The following UBR1 variants were observed in gnomAD, a reference collection of about 807,000 sequenced individuals.
UBR1 encodes the protein E3 ubiquitin-protein ligase UBR1.
UBR1 carries 102 observed loss-of-function variants against 242.1 expected under a neutral mutation model. The observed-to-expected ratio is 0.42, with a 90% CI of 0.36 to 0.50. UBR1 has a LOEUF of 0.50. UBR1 is among the 20% of genes least tolerant of loss of function. The probability of loss-of-function intolerance (pLI) is 0.01; values close to 1 mark genes in which losing one functional copy is unlikely to be tolerated. For missense variants in UBR1, 1,772 were observed against 2,101.8 expected (o/e 0.84, Z 3.07); for synonymous variants, 675 against 684.8 (o/e 0.99, Z 0.22).
intron 15 of UBR1, among the ~76,000 whole-genome samples, chr15:43,041,036 G>A (rs1044134296): frequency 3.9e-5 from 6 of 152,146 alleles, no homozygotes; most frequent in Admixed American, 2.0e-4. Context: ...ACAGTGTGGC[G>A]ATTCCTCAAG....
chr15:42,961,543 C>A (rs992018819), intron 42 of UBR1, among the ~76,000 whole-genome samples: 1 of 151,730 alleles, frequency 6.6e-6, no homozygotes, highest in Non-Finnish European at 1.5e-5. Context: ...GATGCCTCAG[C>A]TCCCGAGCAG....
Position 43,048,496 on chromosome 15 carries a change from C to T in UBR1, c.1440-5G>A, listed in dbSNP as rs369367454. On this transcript the variant is annotated splice_region_variant and splice_polypyrimidine_tract_variant and intron_variant, in intron 12 of 46. Coordinates refer to ENST00000290650, the MANE Select transcript of UBR1 (RefSeq NM_174916.3). ...GGTTTGCTGATCAGGATATACCTATCGTTTCAAGAAAGAAAGAAATATTTC... is the reference window on the plus strand; with the variant it reads ...GGTTTGCTGATCAGGATATACCTATTGTTTCAAGAAAGAAAGAAATATTTC... 129 of 1,600,514 alleles carry T rather than the reference C, an allele frequency of 8.1e-5. 1 individual carries two copies. In the South Asian group the frequency reaches 9.7e-4, roughly 12 times the overall value.
intron 37 of UBR1, among the ~76,000 whole-genome samples, chr15:42,978,492 G>C (rs919426638): frequency 6.6e-6 from 1 of 152,146 alleles, no homozygotes; most frequent in African/African-American, 2.4e-5. Flanking sequence ...AATCTGGTCC[G>C]TGCCTAAGGA....
chr15:42,951,704 GA>G (rs2141249475), intron 45 of UBR1, among the ~76,000 whole-genome samples: 1 of 152,070 alleles, frequency 6.6e-6, no homozygotes, highest in East Asian at 1.9e-4. Flanking sequence ...TCATGGCCTT[GA>G]ACTCCCAGGC....
chr15:43,017,123 G>T lies in UBR1; in HGVS notation c.2999C>A (p.Ser1000Ter). ...ATCATTCTTAATAGATTCCGATCCTGATGTGGTTGCTACAATTAAACAAGA... is the reference window on the plus strand; with the variant it reads ...ATCATTCTTAATAGATTCCGATCCTTATGTGGTTGCTACAATTAAACAAGA... ...EKSCLIVATT[S>*]GSESIKNDEI... is the part of the protein sequence containing the mutation. The change falls in exon 28 of 47, where the codon TCA becomes TAA. Residue 1000 changes from serine to a stop codon, truncating the protein, a stop_gained. Coordinates refer to ENST00000290650, the MANE Select transcript of UBR1 (RefSeq NM_174916.3). LOFTEE classifies it high-confidence loss of function. 6.2e-7 allele frequency: 1 copy of T among 1,613,732 alleles called. No homozygotes were observed.
intron 14 of UBR1, 146 bp from the exon 15 acceptor site, chr15:43,043,541 A>C: frequency 1.3e-6 from 1 of 749,394 alleles, no homozygotes; most frequent in East Asian, 2.7e-5. Flanking sequence ...TCCTGGGCTC[A>C]GTCACCTGAG....
At chr15:43,004,822 G>A (rs1293887350) in intron 30 of UBR1, among the ~76,000 whole-genome samples, 3 of 151,698 alleles carry the variant, frequency 2.0e-5, no homozygotes, top group East Asian at 3.9e-4. Flanking sequence ...AGTGAGGAGC[G>A]GCTCTGCCTG....
intron 23 of UBR1, chr15:43,026,200 C>T (rs899008152): frequency 8.6e-6 from 2 of 231,492 alleles, no homozygotes; most frequent in South Asian, 5.5e-5. Flanking sequence ...CAACTACGTT[C>T]CAGCCTGGAC....
intron 33 of UBR1, among the ~76,000 whole-genome samples, chr15:42,996,110 G>T (rs12324352): frequency 7.2e-5 from 11 of 152,170 alleles, no homozygotes. Flanking sequence ...AGGTCAAATC[G>T]AATCTCATTT....
At chr15:43,015,556 T>A in intron 29 of UBR1, 132 bp downstream of exon 29, 1 of 1,010,330 alleles carries the variant, frequency 9.9e-7, no homozygotes, top group Non-Finnish European at 1.5e-6. Context: ...TTTGTTCACT[T>A]GTTTATCTGC....
chr15:43,076,791 C>G (rs1048360423), intron 3 of UBR1, among the ~76,000 whole-genome samples: 1 of 139,242 alleles, frequency 7.2e-6, no homozygotes, highest in Non-Finnish European at 1.6e-5. Context: ...GTCAGCCCCC[C>G]GCCCGGCCAG....
At chr15:43,089,141 G>A (rs1027822340) in intron 1 of UBR1, among the ~76,000 whole-genome samples, 34 of 149,778 alleles carry the variant, frequency 2.3e-4, no homozygotes, top group African/African-American at 8.4e-4. Context: ...CAGCCTGAGC[G>A]ACAGAGTGAG....
At chr15:42,948,362 T>C (rs1235546866) in intron 46 of UBR1, among the ~76,000 whole-genome samples, 7 of 152,128 alleles carry the variant, frequency 4.6e-5, no homozygotes, top group African/African-American at 1.4e-4. Flanking sequence ...ATTCAGGACA[T>C]AGGCATGGGC....
chr15:42,970,675 C>T, intron 39 of UBR1, 68 bp from the exon 40 acceptor site: 1 of 1,364,782 alleles, frequency 7.3e-7, no homozygotes, highest in Non-Finnish European at 1.0e-6. Flanking sequence ...ACTTTAATTT[C>T]ATTGTTCCAA....
intron 1 of UBR1, among the ~76,000 whole-genome samples, chr15:43,099,625 AC>A (rs1235269312): frequency 6.6e-6 from 1 of 152,006 alleles, no homozygotes; most frequent in Admixed American, 6.6e-5. Flanking sequence ...AGCTTCTATT[AC>A]CCCCACTTCC....
At chr15:43,072,660 T>C (rs757706307) in intron 4 of UBR1, among the ~76,000 whole-genome samples, 3 of 152,246 alleles carry the variant, frequency 2.0e-5, no homozygotes, top group Non-Finnish European at 4.4e-5. Context: ...TAACTGTGAG[T>C]TTCTCATAGA....
chr15:43,022,751 T>A lies in UBR1; in HGVS notation c.2790A>T (p.Gln930His). 6.2e-7 allele frequency: 1 copy of A among 1,612,458 alleles called. No homozygotes were observed. The highest frequency in any genetic ancestry group is 1.1e-5 in the South Asian group (1 of 90,944). ...LGLLEEKQQLQKAPEEEVTFD... is the reference protein window; with the variant it reads ...LGLLEEKQQLHKAPEEEVTFD... ...ATGTTACTTCTTCTTCAGGAGCTTT[T>A]TGAAGCTGTTGCTTCTCTTCTAGTA... Residue 930 changes from glutamine to histidine, a missense_variant, in exon 26 of 47, where the codon CAA (glutamine) becomes CAT (histidine). Physicochemically the swap from Gln to His is conservative, Grantham distance 24 (BLOSUM62 0). Around this residue, in one of 3 missense-constraint regions of UBR1, gnomAD observed 965 missense variants for 1,079.7 expected, o/e 0.89. Transcript: ENST00000290650.
chr15:42,958,140 A>C, intron 43 of UBR1, 50 bp from the exon 44 acceptor site: 1 of 1,335,854 alleles, frequency 7.5e-7, no homozygotes, highest in South Asian at 1.2e-5. Flanking sequence ...ATAACCCCAG[A>C]TCAAAAACTG....
chr15:43,011,147 A>G (rs568908023), intron 29 of UBR1, among the ~76,000 whole-genome samples: 23 of 151,964 alleles, frequency 1.5e-4, no homozygotes, highest in Non-Finnish European at 2.5e-4. Flanking sequence ...GAGCCACTGC[A>G]TTCTAGCCTG....
Sources: gnomAD v4.1 joint callset for allele counts (sites outside exome capture counted in the v4.1 genomes callset) on GRCh38, gnomAD v4.1.1 for gene constraint, gnomAD v4.1.1 regional missense constraint, MANE v1.5 for transcripts, NCBI Gene and HGNC (gene_info 2026-07-23, HGNC 2026-07-21) for gene names.